ASXL3: variants seen among roughly 807,000 people sequenced by gnomAD.
ASXL3 encodes putative Polycomb group protein ASXL3.
In ASXL3, 34 loss-of-function variants were observed where a neutral mutation model predicts 170.6. The observed-to-expected ratio is 0.20, with a 90% CI of 0.15 to 0.27. ASXL3 has a LOEUF of 0.27. ASXL3 is among the 10% of genes least tolerant of loss of function. The pLI is 1.00. For synonymous variants in ASXL3, 1,002 were observed against 989.1 expected (o/e 1.01, Z -0.24); for missense variants, 2,592 against 2,695.3 (o/e 0.96, Z 0.85).
At chr18:33,660,126 A>G (rs564824548) in intron 4 of ASXL3, among the ~76,000 whole-genome samples, 13 of 152,224 alleles carry the variant, frequency 8.5e-5, no homozygotes, top group African/African-American at 3.1e-4. Flanking sequence ...CTGCAGTTTC[A>G]TTGGCCCTAT....
At chr18:33,605,262 G>A (rs182732577) in intron 1 of ASXL3, among the ~76,000 whole-genome samples, 35 of 152,146 alleles carry the variant, frequency 2.3e-4, no homozygotes, top group Admixed American at 1.2e-3. Context: ...ATGGCTGTCT[G>A]TGAGTCTGAT....
chr18:33,678,201 T>G (rs2066460237), intron 7 of ASXL3, among the ~76,000 whole-genome samples: 1 of 152,164 alleles, frequency 6.6e-6, no homozygotes, highest in Admixed American at 6.5e-5. Context: ...TAGCTGGGAT[T>G]ACAGGAATGA....
intron 8 of ASXL3, among the ~76,000 whole-genome samples, chr18:33,694,965 A>T (rs986539185): frequency 6.6e-6 from 1 of 152,162 alleles, no homozygotes; most frequent in African/African-American, 2.4e-5. Flanking sequence ...ATCAGTGTAT[A>T]TATTTAAAGA....
At chr18:33,729,614 T>C (rs2145391896) in intron 8 of ASXL3, among the ~76,000 whole-genome samples, 1 of 152,242 alleles carries the variant, frequency 6.6e-6, no homozygotes, top group Non-Finnish European at 1.5e-5. Flanking sequence ...AATATTAATG[T>C]ATTGGAAAGA....
chr18:33,665,702 T>C (rs2066245046), intron 5 of ASXL3, among the ~76,000 whole-genome samples: 1 of 152,218 alleles, frequency 6.6e-6, no homozygotes, highest in African/African-American at 2.4e-5. Flanking sequence ...CCAATCCATA[T>C]TTTTAGAACT....
At chr18:33,678,067 T>G (rs2066456675) in intron 7 of ASXL3, among the ~76,000 whole-genome samples, 2 of 146,954 alleles carry the variant, frequency 1.4e-5, no homozygotes, top group African/African-American at 5.3e-5. Context: ...ATTTTATTAT[T>G]TATGTATTTA....
rs2145443333 is a variant in ASXL3 at position 33,749,119 on chromosome 18, T to G, written c.*2524T>G. The G allele has an allele frequency of 6.6e-6, 1 of 150,828 alleles. No individual in the cohort carries two copies. The highest frequency in any genetic ancestry group is 3.4e-3 in the Middle Eastern group (1 of 290). The allele number at this position is 150,828 out of a possible 1,614,324, so 9.3% of individuals were successfully genotyped here. ...GCTCCAGTTCAAATTCCTAGTGTTC[T>G]CATATGGTTTATATTACTGAAAAAT... On this transcript the variant is annotated 3_prime_UTR_variant, in exon 12 of 12. Transcript: ENST00000269197.
At chr18:33,667,403 A>G (rs993462946) in intron 5 of ASXL3, among the ~76,000 whole-genome samples, 3 of 152,154 alleles carry the variant, frequency 2.0e-5, no homozygotes, top group African/African-American at 7.2e-5. Context: ...CATGTTTTTA[A>G]TCCTGAATAT....
chr18:33,689,546 T>A (rs1263710232), intron 8 of ASXL3, among the ~76,000 whole-genome samples: 3 of 152,202 alleles, frequency 2.0e-5, no homozygotes, highest in African/African-American at 7.2e-5. Context: ...GTTCATGACC[T>A]TGACACTTTT....
intron 4 of ASXL3, among the ~76,000 whole-genome samples, chr18:33,648,177 T>C (rs998714450): frequency 6.6e-6 from 1 of 152,150 alleles, no homozygotes. Context: ...AATGGCCACA[T>C]GTAGGTTTTA....
chr18:33,653,976 T>G (rs968528888), intron 4 of ASXL3, among the ~76,000 whole-genome samples: 15 of 152,054 alleles, frequency 9.9e-5, no homozygotes, highest in African/African-American at 3.4e-4. Flanking sequence ...ACTTTTCATT[T>G]CTTTTATCTT....
intron 2 of ASXL3, among the ~76,000 whole-genome samples, chr18:33,641,023 T>C (rs924425994): frequency 3.9e-5 from 6 of 151,938 alleles, no homozygotes; most frequent in Non-Finnish European, 7.4e-5. Context: ...TAAATCATTA[T>C]GTTATATATA....
intron 8 of ASXL3, chr18:33,690,164 C>T (rs961803221): frequency 6.6e-6 from 1 of 152,140 alleles, no homozygotes; most frequent in Non-Finnish European, 1.5e-5. Flanking sequence ...TGCTCAACCT[C>T]AGTCATTCTT....
intron 2 of ASXL3, among the ~76,000 whole-genome samples, chr18:33,632,425 C>T (rs2065692372): frequency 6.6e-6 from 1 of 152,148 alleles, no homozygotes; most frequent in Non-Finnish European, 1.5e-5. Context: ...ATCCTGAACA[C>T]CACCATTAAC....
intron 1 of ASXL3, among the ~76,000 whole-genome samples, chr18:33,598,093 A>G (rs1164360536): frequency 6.6e-6 from 1 of 152,130 alleles, no homozygotes; most frequent in Non-Finnish European, 1.5e-5. Flanking sequence ...ATTCATATGT[A>G]GGCAAAAATA....
At chr18:33,662,990 T>G (rs1599462926) in intron 5 of ASXL3, among the ~76,000 whole-genome samples, 1 of 152,276 alleles carries the variant, frequency 6.6e-6, no homozygotes, top group Admixed American at 6.5e-5. Flanking sequence ...TATTTCATAT[T>G]ATTGACATTG....
At chr18:33,653,534 ACAGT>A (rs1314804990) in intron 4 of ASXL3, among the ~76,000 whole-genome samples, 3 of 152,030 alleles carry the variant, frequency 2.0e-5, no homozygotes, top group African/African-American at 7.2e-5. Flanking sequence ...AATACTCTTC[ACAGT>A]CAGAAATGAC....
chr18:33,616,978 A>G (rs2065433238), intron 2 of ASXL3, among the ~76,000 whole-genome samples: 1 of 152,168 alleles, frequency 6.6e-6, no homozygotes, highest in Non-Finnish European at 1.5e-5. Context: ...GAAAGTACAA[A>G]GACATTCAGT....
chr18:33,646,376 T>C lies in ASXL3; in HGVS notation c.355+23T>C, dbSNP rs777789912. The C allele has an allele frequency of 1.1e-5, 17 of 1,526,676 alleles. No homozygotes were observed. In the Admixed American group the frequency reaches 2.6e-4, roughly 23 times the overall value. The allele number at this position is 1,526,676 out of a possible 1,614,324, so 94.6% of individuals were successfully genotyped here. On this transcript the variant is annotated intron_variant, in intron 4 of 11. Coordinates refer to ENST00000269197, the MANE Select transcript of ASXL3 (RefSeq NM_030632.3). ...GAGGTAAGTGTGATGAATTCCAAAA[T>C]ATAATCCCTTGTTCTCTTAAAAGTT... is the stretch of plus-strand genomic sequence containing the variant.
Sources: gnomAD v4.1 joint callset for allele counts (sites outside exome capture counted in the v4.1 genomes callset) on GRCh38, gnomAD v4.1.1 for gene constraint, MANE v1.5 for transcripts, NCBI Gene and HGNC (gene_info 2026-07-23, HGNC 2026-07-21) for gene names.